Variants in EGFR observed in about 807,000 individuals in gnomAD.
EGFR encodes epidermal growth factor receptor, also known as avian erythroblastic leukemia viral (v-erb-b) oncogene homolog.
EGFR carries 58 observed loss-of-function variants against 143.0 expected under a neutral mutation model. That is an observed-to-expected ratio of 0.41 (90% CI 0.33 to 0.50). The LOEUF (loss-of-function observed/expected upper bound fraction) is 0.50. EGFR is among the 20% of genes least tolerant of loss of function. The pLI, the probability that EGFR is intolerant of heterozygous loss-of-function variation, is 0.39. For synonymous variants in EGFR, 613 were observed against 594.4 expected, an observed-to-expected ratio of 1.03 and a Z score of -0.45; for missense variants, 1,307 against 1,579.0, an observed-to-expected ratio of 0.83 and a Z score of 2.92.
chr7:55,097,027 T>C (rs1038724603), intron 1 of EGFR, among the ~76,000 whole-genome samples: 8 of 152,204 alleles, frequency 5.3e-5, no homozygotes, highest in African/African-American at 1.7e-4. Flanking sequence ...GGAGACTGAA[T>C]TGAAATTGTG....
intron 1 of EGFR, among the ~76,000 whole-genome samples, chr7:55,021,829 A>G (rs964081156): frequency 2.0e-5 from 3 of 152,106 alleles, no homozygotes; most frequent in African/African-American, 7.2e-5. Flanking sequence ...CTCTCCTCCT[A>G]TGGGGGAAAC....
intron 11 of EGFR, among the ~76,000 whole-genome samples, chr7:55,158,387 G>GC (rs1785532228): frequency 6.6e-6 from 1 of 152,150 alleles, no homozygotes; most frequent in Admixed American, 6.5e-5. Flanking sequence ...GAGAACTGCT[G>GC]CCCCTACTTG....
At chr7:55,044,230 A>T (rs1422271253) in intron 1 of EGFR, among the ~76,000 whole-genome samples, 1 of 152,254 alleles carries the variant, frequency 6.6e-6, no homozygotes, top group African/African-American at 2.4e-5. Flanking sequence ...AGCTTGTTCT[A>T]ACCCAGCTTT....
chr7:55,060,440 CAA>C (rs1364955221), intron 1 of EGFR, among the ~76,000 whole-genome samples: 1 of 152,142 alleles, frequency 6.6e-6, no homozygotes, highest in Admixed American at 6.5e-5. Context: ...CTGATTTTCT[CAA>C]AGTCTCACAT....
At chr7:55,179,680 T>C (rs905952347) in intron 19 of EGFR, 3 of 152,230 alleles carry the variant, frequency 2.0e-5, no homozygotes, top group Admixed American at 6.5e-5. Flanking sequence ...ATTTACAGTT[T>C]GCCCTCCATG....
chr7:55,170,913 A>G lies in EGFR; in HGVS notation c.1881-262A>G, dbSNP rs1429346524. 6.3e-6 allele frequency: 9 copies of G among 1,418,360 alleles called. No homozygotes were observed. The African/African-American group carries it at 7.2e-5, about 11-fold the overall frequency. 87.9% of individuals were successfully genotyped at this position (1,418,360 alleles called of 1,614,324 possible). ...AAAAGCCAGATGTGAAAACATCTCAATAACAAACTGGCTGCTTTGTTCAAT... is the reference window on the plus strand; with the variant it reads ...AAAAGCCAGATGTGAAAACATCTCAGTAACAAACTGGCTGCTTTGTTCAAT... On this transcript the variant is annotated intron_variant, in intron 15 of 27. Coordinates refer to ENST00000275493, the MANE Select transcript of EGFR (RefSeq NM_005228.5).
intron 1 of EGFR, among the ~76,000 whole-genome samples, chr7:55,116,443 C>T (rs1387713664): frequency 6.6e-6 from 1 of 152,186 alleles, no homozygotes; most frequent in East Asian, 1.9e-4. Flanking sequence ...ACTGGGAATT[C>T]GATGCTGCCC....
chr7:55,098,295 G>A (rs540884324), intron 1 of EGFR, among the ~76,000 whole-genome samples: 2 of 152,286 alleles, frequency 1.3e-5, no homozygotes, highest in South Asian at 2.1e-4. Flanking sequence ...GCCAGGACTG[G>A]CAGGGATGGG....
chr7:55,020,184 G>A (rs1583839577), intron 1 of EGFR, among the ~76,000 whole-genome samples: 1 of 152,202 alleles, frequency 6.6e-6, no homozygotes, highest in South Asian at 2.1e-4. Flanking sequence ...CGCCCGGTGC[G>A]CCCTCGTCTT....
intron 1 of EGFR, among the ~76,000 whole-genome samples, chr7:55,068,645 A>ATC (rs1455037565): frequency 6.6e-6 from 1 of 152,192 alleles, no homozygotes; most frequent in African/African-American, 2.4e-5. Context: ...GCCGTTACCA[A>ATC]CTGGCACAAT....
In EGFR at chr7:55,133,246, C is replaced by T. The variant is rs546254041; in HGVS notation, c.89-9040C>T. On this transcript the variant is annotated intron_variant, in intron 1 of 27. Transcript: ENST00000275493. Reference sequence around the variant, plus strand: ...TGTCTAGGAAGAGAAGAGTTGCACCCTGGCAGGCAGCACTGAGCTGTCTCA... The same window carrying T: ...TGTCTAGGAAGAGAAGAGTTGCACCTTGGCAGGCAGCACTGAGCTGTCTCA... Among the ~76,000 whole-genome samples the T allele has an allele frequency of 2.5e-3, 375 of 152,284 alleles. 1 individual carries two copies. Among genetic ancestry groups the T allele is most frequent in the Admixed American group, 4.0e-3 (61 of 15,298 alleles).
intron 1 of EGFR, among the ~76,000 whole-genome samples, chr7:55,099,206 C>A (rs1040519711): frequency 1.3e-5 from 2 of 152,172 alleles, no homozygotes; most frequent in African/African-American, 4.8e-5. Flanking sequence ...GGATTCCATG[C>A]CCAGAATGCT....
Position 55,163,881 on chromosome 7 carries a change from C to T in EGFR, c.1722+58C>T, listed in dbSNP as rs188232081. ...TCATGGGAAGGGCCTTCACAGAAGCCGAACAGTGATGATGGCCCAGGGCAT... is the reference window on the plus strand; with the variant it reads ...TCATGGGAAGGGCCTTCACAGAAGCTGAACAGTGATGATGGCCCAGGGCAT... On this transcript the variant is annotated intron_variant, in intron 14 of 27. Coordinates refer to ENST00000275493, the MANE Select transcript of EGFR (RefSeq NM_005228.5). 1.7e-5 allele frequency: 27 copies of T among 1,583,734 alleles called. No homozygotes were observed. The East Asian group carries it at 3.1e-4, about 18-fold the overall frequency.
chr7:55,157,060 C>T (rs1785459319), intron 10 of EGFR: 2 of 1,129,352 alleles, frequency 1.8e-6, no homozygotes. Flanking sequence ...CGCTTTCTCC[C>T]TCCCGCCCGG....
At chr7:55,112,391 CG>C (rs1325242470) in intron 1 of EGFR, among the ~76,000 whole-genome samples, 1 of 152,216 alleles carries the variant, frequency 6.6e-6, no homozygotes, top group African/African-American at 2.4e-5. Flanking sequence ...GGCAGCTGCC[CG>C]GGGTGGCACG....
intron 15 of EGFR, among the ~76,000 whole-genome samples, chr7:55,167,796 C>T (rs1020381637): frequency 6.6e-6 from 1 of 152,172 alleles, no homozygotes; most frequent in African/African-American, 2.4e-5. Flanking sequence ...ATCATATAAT[C>T]TCCAACAGTG....
At chr7:55,063,757 T>A (rs1013465640) in intron 1 of EGFR, among the ~76,000 whole-genome samples, 2 of 152,114 alleles carry the variant, frequency 1.3e-5, no homozygotes, top group African/African-American at 4.8e-5. Context: ...CAGATGAAGG[T>A]ATGCTGTTCA....
chr7:55,109,511 C>A (rs563549392), intron 1 of EGFR, among the ~76,000 whole-genome samples: 1 of 152,336 alleles, frequency 6.6e-6, no homozygotes, highest in East Asian at 1.9e-4. Context: ...TTGCTGCTTA[C>A]TGGTTAGGGC....
intron 1 of EGFR, among the ~76,000 whole-genome samples, chr7:55,068,039 T>C (rs1229057346): frequency 6.6e-6 from 1 of 150,584 alleles, no homozygotes. Flanking sequence ...TGTGTATATG[T>C]GTATGTGTGT....
Sources: gnomAD v4.1 joint callset for allele counts (sites outside exome capture counted in the v4.1 genomes callset) on GRCh38, gnomAD v4.1.1 for gene constraint, MANE v1.5 for transcripts, NCBI Gene and HGNC (gene_info 2026-07-23, HGNC 2026-07-21) for gene names.